The following THSD4 variants were observed in gnomAD, a reference collection of about 807,000 sequenced individuals.
THSD4 encodes thrombospondin type-1 domain-containing protein 4.
A neutral mutation model predicts 119.0 loss-of-function variants in THSD4; 69 were observed. That is an observed-to-expected ratio of 0.58 (90% CI 0.48 to 0.71). THSD4 has a LOEUF of 0.71. Ranked by LOEUF, THSD4 falls within the 30% of genes least tolerant of loss-of-function variation. THSD4 has a pLI of 0.00. For missense variants in THSD4, 1,393 were observed against 1,391.1 expected (o/e 1.00, Z -0.02); for synonymous variants, 524 against 540.4 (o/e 0.97, Z 0.42).
intron 8 of THSD4, among the ~76,000 whole-genome samples, chr15:71,682,225 T>C (rs1410894330): frequency 6.6e-6 from 1 of 152,268 alleles, no homozygotes; most frequent in Non-Finnish European, 1.5e-5. Flanking sequence ...AAAAGCCTAT[T>C]GTCTGGCCAG....
At chr15:71,312,114 C>T (rs1439564996) in intron 6 of THSD4, among the ~76,000 whole-genome samples, 2 of 152,168 alleles carry the variant, frequency 1.3e-5, no homozygotes, top group Non-Finnish European at 2.9e-5. Context: ...ATAGTGCTCC[C>T]CTCAAATTCA....
intron 7 of THSD4, among the ~76,000 whole-genome samples, chr15:71,515,547 GA>G (rs1450916422): frequency 2.0e-5 from 3 of 152,158 alleles, no homozygotes; most frequent in African/African-American, 7.2e-5. Flanking sequence ...CAAGGGGATT[GA>G]GGGGGGCTCA....
At chr15:71,335,289 C>G (rs1370398385) in intron 6 of THSD4, among the ~76,000 whole-genome samples, 9 of 152,110 alleles carry the variant, frequency 5.9e-5, no homozygotes, top group Admixed American at 5.9e-4. Flanking sequence ...TTTCTTAAAT[C>G]AGTATTGTGG....
intron 6 of THSD4, among the ~76,000 whole-genome samples, chr15:71,399,608 G>A (rs1215344161): frequency 6.6e-6 from 1 of 152,192 alleles, no homozygotes; most frequent in Non-Finnish European, 1.5e-5. Flanking sequence ...CAGGGTGTCA[G>A]CTAGTAGGCT....
chr15:71,737,639 G>A, intron 10 of THSD4, 93 bp from the exon 11 acceptor site: 1 of 1,454,280 alleles, frequency 6.9e-7, no homozygotes, highest in Non-Finnish European at 9.1e-7. Flanking sequence ...ACGATCTCAT[G>A]CTACACAGTC....
chr15:71,602,446 A>T (rs2050028293), intron 7 of THSD4, among the ~76,000 whole-genome samples: 1 of 147,288 alleles, frequency 6.8e-6, no homozygotes, highest in Non-Finnish European at 1.5e-5. Flanking sequence ...CCAGCTACTC[A>T]GGAGGCTGAG....
At chr15:71,594,758 A>C (rs1280825820) in intron 7 of THSD4, among the ~76,000 whole-genome samples, 1 of 152,186 alleles carries the variant, frequency 6.6e-6, no homozygotes, top group Non-Finnish European at 1.5e-5. Context: ...GATGTGCATG[A>C]GGGGAAATAA....
chr15:71,314,367 G>T (rs1167511115), intron 6 of THSD4, among the ~76,000 whole-genome samples: 1 of 152,016 alleles, frequency 6.6e-6, no homozygotes, highest in South Asian at 2.1e-4. Context: ...GAGTGTAGTG[G>T]CTGGTCTCAG....
At chr15:71,515,068 G>C (rs1307131308) in intron 7 of THSD4, among the ~76,000 whole-genome samples, 1 of 152,110 alleles carries the variant, frequency 6.6e-6, no homozygotes, top group Non-Finnish European at 1.5e-5. Context: ...TAGGTCAAAT[G>C]GTTTGGACAT....
rs1414242246 is a variant in THSD4 at position 71,442,664 on chromosome 15, A to ATG, written c.1152+30842_1152+30843insGT. Among the ~76,000 whole-genome samples the ATG allele has an allele frequency of 2.8e-3, 94 of 33,454 alleles. 6 individuals carry two copies. The highest frequency in any genetic ancestry group is 8.8e-3 in the South Asian group (5 of 568). 21.9% of individuals were successfully genotyped at this position (33,454 alleles called of 152,430 possible). ...TGTATATGTGTGTGTGTGTGTGTAT[A>ATG]TATATATATATATATATATATATAT... On this transcript the variant is annotated intron_variant, in intron 7 of 17. Transcript: ENST00000261862.
intron 6 of THSD4, among the ~76,000 whole-genome samples, chr15:71,391,643 A>G (rs2046381053): frequency 6.6e-6 from 1 of 152,206 alleles, no homozygotes; most frequent in Admixed American, 6.5e-5. Flanking sequence ...CATTCCAGGT[A>G]TCTGAGTCTG....
At chr15:71,426,394 TG>T (rs1566978422) in intron 7 of THSD4, among the ~76,000 whole-genome samples, 249 of 138,674 alleles carry the variant, frequency 1.8e-3, no homozygotes, top group East Asian at 0.011. Context: ...TGTGTGTGTG[TG>T]TGTGTGTGTG....
At chr15:71,485,328 TC>T (rs1198642680) in intron 7 of THSD4, among the ~76,000 whole-genome samples, 1 of 152,186 alleles carries the variant, frequency 6.6e-6, no homozygotes, top group Non-Finnish European at 1.5e-5. Context: ...CCTCTGGGCC[TC>T]AGATCTCCAT....
chr15:71,766,212 A>G (rs2053714713), intron 16 of THSD4, among the ~76,000 whole-genome samples: 1 of 152,142 alleles, frequency 6.6e-6, no homozygotes, highest in Non-Finnish European at 1.5e-5. Flanking sequence ...CAAGTTGAAG[A>G]GTTCATTTTC....
intron 7 of THSD4, among the ~76,000 whole-genome samples, chr15:71,456,535 A>G (rs2047342766): frequency 6.6e-6 from 1 of 152,136 alleles, no homozygotes; most frequent in Admixed American, 6.5e-5. Context: ...TCCCCATTTC[A>G]CAGATGGGAA....
chr15:71,353,094 C>CT (rs2045764664), intron 6 of THSD4, among the ~76,000 whole-genome samples: 2 of 152,208 alleles, frequency 1.3e-5, no homozygotes, highest in Non-Finnish European at 2.9e-5. Context: ...TTTCTGAGCA[C>CT]TCTATACATG....
At chr15:71,523,226 A>G (rs1189434158) in intron 7 of THSD4, among the ~76,000 whole-genome samples, 3 of 152,234 alleles carry the variant, frequency 2.0e-5, no homozygotes, top group Non-Finnish European at 4.4e-5. Context: ...CAAGGCCAGC[A>G]GGGCTGTGCT....
At chr15:71,203,712 G>C (rs2043821431) in intron 3 of THSD4, among the ~76,000 whole-genome samples, 1 of 152,138 alleles carries the variant, frequency 6.6e-6, no homozygotes, top group Admixed American at 6.5e-5. Flanking sequence ...TGAGGGAAAG[G>C]CTAAGGCAGG....
intron 7 of THSD4, among the ~76,000 whole-genome samples, chr15:71,617,554 C>T (rs550624713): frequency 1.9e-4 from 29 of 152,198 alleles, no homozygotes; most frequent in African/African-American, 6.5e-4. Flanking sequence ...CATACTCAGC[C>T]GAACCCTGGA....
Sources: gnomAD v4.1 joint callset for allele counts (sites outside exome capture counted in the v4.1 genomes callset) on GRCh38, gnomAD v4.1.1 for gene constraint, MANE v1.5 for transcripts, NCBI Gene and HGNC (gene_info 2026-07-23, HGNC 2026-07-21) for gene names.